The following ZNF257 variants were observed in gnomAD, a reference collection of about 807,000 sequenced individuals.
ZNF257 encodes the protein zinc finger protein 257, also known as bone marrow zinc finger 4.
A neutral mutation model predicts 11.9 loss-of-function variants in ZNF257; 12 were observed. That is an observed-to-expected ratio of 1.01 (90% CI 0.65 to 1.63). The LOEUF is 1.63. Ranked by LOEUF, ZNF257 falls within the 40% of genes most tolerant of loss-of-function variation. ZNF257 has a pLI of 0.00. For synonymous variants in ZNF257, 183 were observed against 222.7 expected (o/e 0.82, Z 1.59); for missense variants, 580 against 665.5 (o/e 0.87, Z 1.41).
intron 3 of ZNF257, among the ~76,000 whole-genome samples, chr19:22,078,602 T>A (rs935951606): frequency 6.6e-6 from 1 of 152,118 alleles, no homozygotes; most frequent in African/African-American, 2.4e-5. Context: ...GTTATTTTCT[T>A]TGTTGCTGAT....
In ZNF257 at chr19:22,089,535, C is replaced by T; in HGVS notation, c.*93C>T. 1 of 1,503,052 alleles carries T rather than the reference C, an allele frequency of 6.7e-7. No individual in the cohort carries two copies. The highest frequency in any genetic ancestry group is 8.8e-7 in the Non-Finnish European group (1 of 1,130,850). 93.1% of individuals were successfully genotyped at this position (1,503,052 alleles called of 1,614,324 possible). On this transcript the variant is annotated 3_prime_UTR_variant, in exon 4 of 4. Coordinates refer to ENST00000594947, the MANE Select transcript of ZNF257 (RefSeq NM_033468.4). ...CATAAGGGAATTCATAATAGAGAAA[C>T]CCTACAAATGTGAAGAACGTGGCCT...
At chr19:22,058,962 C>A (rs2145686039) in intron 1 of ZNF257, among the ~76,000 whole-genome samples, 1 of 152,232 alleles carries the variant, frequency 6.6e-6, no homozygotes, top group East Asian at 1.9e-4. Flanking sequence ...CACCCCTAGA[C>A]ACTGAATCTG....
chr19:22,074,082 A>G (rs770795765), intron 3 of ZNF257, among the ~76,000 whole-genome samples: 1 of 151,706 alleles, frequency 6.6e-6, no homozygotes, highest in Admixed American at 6.6e-5. Context: ...TTTTTCCTGA[A>G]GATTGCTTTG....
intron 1 of ZNF257, among the ~76,000 whole-genome samples, chr19:22,061,867 C>CT (rs79974443): frequency 2.0e-4 from 29 of 145,826 alleles, no homozygotes; most frequent in Admixed American, 2.8e-4. Flanking sequence ...TTGTTGAAAG[C>CT]TTTTTTTTTT....
chr19:22,065,520 A>T lies in ZNF257; in HGVS notation c.4-7289A>T, dbSNP rs1441824568. On this transcript the variant is annotated intron_variant, in intron 1 of 3. Coordinates refer to ENST00000594947, the MANE Select transcript of ZNF257 (RefSeq NM_033468.4). The stretch of plus-strand genomic sequence containing the variant: ...CAGCGATTACAGACATTTTTAAAAA[A>T]TTTTACATTTATTATGACTAGTACA... 2.0e-5 allele frequency among the ~76,000 whole-genome samples: 3 copies of T among 152,210 alleles called. No individual in the cohort carries two copies. In the East Asian group the frequency reaches 5.8e-4, roughly 29 times the overall value.
rs1160891125 is a variant in ZNF257, at chr19:22,088,980, C to G, written c.1230C>G (p.Asn410Lys). The G allele has an allele frequency of 1.9e-6, 3 of 1,605,782 alleles. No homozygotes were observed. Among genetic ancestry groups the G allele is most frequent in the African/African-American group, 2.8e-5 (2 of 72,412 alleles). ...GTGATGAATATTGCAAAGCTTTTAA[C>G]TGGTCCTCAGCTCTTACTACCCTTA... ...YKCDEYCKAFNWSSALTTLTQ... is the reference protein window; with the variant it reads ...YKCDEYCKAFKWSSALTTLTQ... Residue 410 changes from asparagine to lysine, a missense_variant, in exon 4 of 4, where the codon AAC (asparagine) becomes AAG (lysine). Transcript: ENST00000594947.
intron 3 of ZNF257, among the ~76,000 whole-genome samples, chr19:22,086,783 C>T (rs914721135): frequency 6.6e-6 from 1 of 152,012 alleles, no homozygotes. Context: ...TTGAAAAACT[C>T]ACTGTTTAGT....
intron 3 of ZNF257, among the ~76,000 whole-genome samples, chr19:22,087,013 TA>T (rs2022490858): frequency 6.6e-6 from 1 of 152,016 alleles, no homozygotes. Context: ...TTACTGTTTT[TA>T]AAATGCTTTT....
chr19:22,057,615 C>G (rs1247077531), intron 1 of ZNF257, among the ~76,000 whole-genome samples: 1 of 152,150 alleles, frequency 6.6e-6, no homozygotes, highest in Admixed American at 6.6e-5. Flanking sequence ...AAAAATTCCA[C>G]AGGAGTATTG....
At chr19:22,053,676 A>G (rs1407479731) in intron 1 of ZNF257, among the ~76,000 whole-genome samples, 1 of 152,144 alleles carries the variant, frequency 6.6e-6, no homozygotes, top group Non-Finnish European at 1.5e-5. Flanking sequence ...TTGTAATCCG[A>G]GCACTTTGGG....
chr19:22,072,609 T>TG (rs993338226), intron 1 of ZNF257, among the ~76,000 whole-genome samples, 200 bp from the exon 2 acceptor site: 20 of 152,228 alleles, frequency 1.3e-4, no homozygotes, highest in African/African-American at 4.6e-4. Context: ...TAAATGTGTA[T>TG]GGGGGTGTGT....
chr19:22,054,955 G>C (rs1175070511), intron 1 of ZNF257, among the ~76,000 whole-genome samples: 1 of 143,986 alleles, frequency 6.9e-6, no homozygotes, highest in Non-Finnish European at 1.5e-5. Context: ...CACAACCTGA[G>C]TTATGGAGTG....
chr19:22,078,779 G>A (rs2022289613), intron 3 of ZNF257, among the ~76,000 whole-genome samples: 1 of 146,716 alleles, frequency 6.8e-6, no homozygotes, highest in Admixed American at 6.8e-5. Flanking sequence ...TTGACACCCA[G>A]TTTTCTTTCT....
At position 22,072,836 on chromosome 19, in the gene ZNF257, G is replaced by A. The variant is rs1412188273; in HGVS notation, c.31G>A (p.Val11Ile). 11 of 1,612,734 alleles carry A rather than the reference G, an allele frequency of 6.8e-6. No homozygotes were observed. Among genetic ancestry groups the A allele is most frequent in the African/African-American group, 2.7e-5 (2 of 74,694 alleles). Reference protein sequence around the residue: MGPLTIRDVTVEFSLEEWHCL... With the variant: MGPLTIRDVTIEFSLEEWHCL... ...ACCACTGACAATTAGGGATGTGACTGTAGAATTCTCTCTGGAGGAGTGGCA... is the reference window on the plus strand; with the variant it reads ...ACCACTGACAATTAGGGATGTGACTATAGAATTCTCTCTGGAGGAGTGGCA... Residue 11 changes from valine (V) to isoleucine (I), a missense_variant, in exon 2 of 4, where the codon GTA becomes ATA. Physicochemically the swap from Val to Ile is conservative, Grantham distance 29. Transcript: ENST00000594947.
At chr19:22,066,916 C>G (rs1444832386) in intron 1 of ZNF257, among the ~76,000 whole-genome samples, 3 of 152,134 alleles carry the variant, frequency 2.0e-5, no homozygotes, top group Admixed American at 2.0e-4. Flanking sequence ...TGTAATAAAA[C>G]AGTTTTCTTT....
intron 3 of ZNF257, 34 bp downstream of exon 3, chr19:22,073,598 A>G (rs2022159595): frequency 2.5e-6 from 4 of 1,591,162 alleles, no homozygotes; most frequent in Non-Finnish European, 3.4e-6. Context: ...CAACAGGTGA[A>G]ACAGATGAGA....
In ZNF257 at chr19:22,060,161, G is replaced by T. The variant is rs61604337; in HGVS notation, c.3+7526G>T. Among the ~76,000 whole-genome samples, 1,078 of 152,286 alleles carry T rather than the reference G, an allele frequency of 7.1e-3. 11 individuals are homozygous for T. The highest frequency in any genetic ancestry group is 0.024 in the African/African-American group (996 of 41,552). Reference sequence around the variant, plus strand: ...GATGGAATAATTTATATTTCTTTGGGTATGTACCCAATTAAGAGGTTGCTA... The same window carrying T: ...GATGGAATAATTTATATTTCTTTGGTTATGTACCCAATTAAGAGGTTGCTA... On this transcript the variant is annotated intron_variant, in intron 1 of 3. Coordinates refer to ENST00000594947, the MANE Select transcript of ZNF257 (RefSeq NM_033468.4).
At chr19:22,081,517 T>G (rs1327362032) in intron 3 of ZNF257, among the ~76,000 whole-genome samples, 1 of 152,042 alleles carries the variant, frequency 6.6e-6, no homozygotes, top group Non-Finnish European at 1.5e-5. Context: ...TTTAATTTTT[T>G]AAATATAATT....
intron 1 of ZNF257, chr19:22,065,772 T>C (rs2021928914): frequency 1.3e-5 from 2 of 152,220 alleles, no homozygotes; most frequent in Admixed American, 6.5e-5. Flanking sequence ...TTAACTATGT[T>C]GCAAGCTCAA....
Sources: gnomAD v4.1 joint callset for allele counts (sites outside exome capture counted in the v4.1 genomes callset) on GRCh38, gnomAD v4.1.1 for gene constraint, MANE v1.5 for transcripts, NCBI Gene and HGNC (gene_info 2026-07-23, HGNC 2026-07-21) for gene names.